Variants in DNAH2 observed in about 807,000 individuals in gnomAD.
DNAH2 encodes the protein axonemal beta dynein heavy chain 2.
In DNAH2, 323 loss-of-function variants were observed where a neutral mutation model predicts 523.5. The ratio of observed to expected loss-of-function variants is 0.62; its 90% CI spans 0.56 to 0.68. The LOEUF (loss-of-function observed/expected upper bound fraction) is 0.68. DNAH2 is among the 30% of genes least tolerant of loss of function. The pLI is 0.00. For missense variants in DNAH2, 4,907 were observed against 5,701.5 expected (o/e 0.86, Z 4.49); for synonymous variants, 2,093 against 2,177.4 (o/e 0.96, Z 1.08).
At chr17:7,795,049 A>G (rs186763339) in intron 49 of DNAH2, among the ~76,000 whole-genome samples, 2 of 151,972 alleles carry the variant, frequency 1.3e-5, no homozygotes, top group Admixed American at 6.6e-5. Context: ...TTTCCTGTCT[A>G]TGACATTTTA....
At chr17:7,749,353 G>C (rs111688572) in intron 12 of DNAH2, among the ~76,000 whole-genome samples, 12,500 of 69,146 alleles carry the variant, frequency 0.18, 642 homozygotes, top group South Asian at 0.22. Flanking sequence ...AAAAAAGAAA[G>C]AAAAAAGAAA....
Position 7,781,119 on chromosome 17 carries a change from G to T in DNAH2, c.6081G>T (p.Val2027=). 1 of 1,614,200 alleles carries T rather than the reference G, an allele frequency of 6.2e-7. No homozygotes were observed. The highest frequency in any genetic ancestry group is 8.5e-7 in the Non-Finnish European group (1 of 1,180,034). ...SVDAPLFNAI[V]QDLFPNIELP... Reference sequence around the variant, plus strand: ...ATGCACCCCTGTTCAATGCCATCGTGCAAGATCTGTTTCCCAACATTGAGC... The same window carrying T: ...ATGCACCCCTGTTCAATGCCATCGTTCAAGATCTGTTTCCCAACATTGAGC... The change falls in exon 39 of 86, where the codon GTG becomes GTT. Residue 2027 remains valine (V), a synonymous_variant. Coordinates refer to ENST00000572933, the MANE Select transcript of DNAH2 (RefSeq NM_020877.5).
Position 7,814,204 on chromosome 17 carries a change from A to C in DNAH2, c.9730-2367A>C, listed in dbSNP as rs1348291136. The stretch of plus-strand genomic sequence containing the variant: ...ATTCTCCAAAAAAAAAAAAAAAAAA[A>C]CAGATAGTAAAAATTATTTTCTAAG... On this transcript the variant is annotated intron_variant, in intron 63 of 85. Transcript: ENST00000572933. 3.5e-5 allele frequency among the ~76,000 whole-genome samples: 5 copies of C among 143,406 alleles called. No homozygotes were observed. In the South Asian group the frequency reaches 8.8e-4, roughly 25 times the overall value. The allele number at this position is 143,406 out of a possible 152,430, so 94.1% of individuals were successfully genotyped here.
Position 7,777,420 on chromosome 17 carries a change from C to T in DNAH2, c.5059-26C>T, listed in dbSNP as rs768540936. On this transcript the variant is annotated intron_variant, in intron 32 of 85. Transcript: ENST00000572933. The stretch of plus-strand genomic sequence containing the variant: ...CTTTGGCGGCATTGCTCTGTCTGCT[C>T]TCTTCCCTGCTGCTTCATGCCACAG... 3.7e-6 allele frequency: 6 copies of T among 1,613,500 alleles called. No individual in the cohort carries two copies. The African/African-American group carries it at 4.0e-5, about 11-fold the overall frequency.
chr17:7,717,854 A>G lies in DNAH2; in HGVS notation c.-960A>G, dbSNP rs1249000810. 6.6e-6 allele frequency: 1 copy of G among 151,422 alleles called. No homozygotes were observed. Among genetic ancestry groups the G allele is most frequent in the Non-Finnish European group, 1.5e-5 (1 of 67,894 alleles). 9.4% of individuals were successfully genotyped at this position (151,422 alleles called of 1,614,324 possible). A position where few individuals can be genotyped will look rare whatever the true frequency, so the allele number is the denominator to read the frequency against. ...AAGGTGTGTGTCGGGGGCAGAGGGA[A>G]GGAGGGAAGGAGTGCTGGGGAGAAG... is the stretch of plus-strand genomic sequence containing the variant. On this transcript the variant is annotated 5_prime_UTR_variant, in exon 1 of 86. Coordinates refer to ENST00000572933, the MANE Select transcript of DNAH2 (RefSeq NM_020877.5).
At position 7,731,890 on chromosome 17, in the gene DNAH2, G is replaced by A. The variant is rs535164220; in HGVS notation, c.400-1197G>A. 1.3e-4 allele frequency among the ~76,000 whole-genome samples: 20 copies of A among 152,028 alleles called. No individual in the cohort carries two copies. In the South Asian group the frequency reaches 3.3e-3, roughly 25 times the overall value. ...CTAAAAATACAAAAATTAGCCGGGC[G>A]TGGTGGCACATGCTTGTAATCCTAG... On this transcript the variant is annotated intron_variant, in intron 4 of 85. Transcript: ENST00000572933.
intron 63 of DNAH2, among the ~76,000 whole-genome samples, chr17:7,810,802 C>G (rs1186425639): frequency 6.6e-6 from 1 of 152,170 alleles, no homozygotes; most frequent in Non-Finnish European, 1.5e-5. Flanking sequence ...TAAAAGCTTT[C>G]CTGTCAGAAC....
At chr17:7,823,802 C>A (rs2077936696) in intron 74 of DNAH2, 32 bp from the exon 75 acceptor site, 13 of 1,609,800 alleles carry the variant, frequency 8.1e-6, no homozygotes, top group Non-Finnish European at 1.1e-5. Flanking sequence ...AGACTCACTC[C>A]CTCTCCCTGC....
In DNAH2 at chr17:7,719,588, T is replaced by C. The variant is rs553101535; in HGVS notation, c.-14-133T>C. On this transcript the variant is annotated intron_variant, in intron 1 of 85. Transcript: ENST00000572933. ...AGCCCTTGTGGTTAATGGAGCAGGG[T>C]GTGGGTACCACCAGAAAAGATGATC... 393 of 1,143,054 alleles carry C rather than the reference T, an allele frequency of 3.4e-4. 1 individual carries two copies. The highest frequency in any genetic ancestry group is 2.9e-3 in the Middle Eastern group (11 of 3,764). The allele number at this position is 1,143,054 out of a possible 1,614,324, so 70.8% of individuals were successfully genotyped here.
chr17:7,780,249 A>G lies in DNAH2; in HGVS notation c.5815A>G (p.Ile1939Val). Residue 1939 changes from isoleucine to valine, a missense_variant, in exon 37 of 86, where the codon ATC becomes GTC. This residue lies in a region of DNAH2 where 2,806 missense variants were observed against 3,190.8 expected (regional missense o/e 0.88). Coordinates refer to ENST00000572933, the MANE Select transcript of DNAH2 (RefSeq NM_020877.5). This position sits in a 1 kb window ranked among gnomAD's most constrained non-coding sequence, Gnocchi z 4.4. ...GCCTGACTCCACCCTCATTGCAGAA[A>G]TCATTCTCTTTGGAGAGGGCTTTGG... ...VVPDSTLIAE[I>V]ILFGEGFGNC... 6.2e-7 allele frequency: 1 copy of G among 1,614,154 alleles called. No homozygotes were observed. The highest frequency in any genetic ancestry group is 8.5e-7 in the Non-Finnish European group (1 of 1,180,026).
chr17:7,770,604 A>T lies in DNAH2; in HGVS notation c.4146A>T (p.Ile1382=), dbSNP rs9910089. Residue 1382 remains isoleucine, a synonymous_variant, in exon 26 of 86, where the codon ATA becomes ATT. Coordinates refer to ENST00000572933, the MANE Select transcript of DNAH2 (RefSeq NM_020877.5). ...CCTGGGATGTGACTCAGCTCGACATAGTACCCTACAAGGATAAGGGCCATC... is the reference window on the plus strand; with the variant it reads ...CCTGGGATGTGACTCAGCTCGACATTGTACCCTACAAGGATAAGGGCCATC... ...AKTWDVTQLD[I]VPYKDKGHHR... is the part of the protein sequence containing the mutation. The T allele has an allele frequency of 0.031, 50,446 of 1,614,008 alleles. 1,240 individuals carry two copies. Among genetic ancestry groups the T allele is most frequent in the African/African-American group, 0.1 (7,740 of 74,988 alleles).
At chr17:7,720,744 A>G (rs991715922) in intron 2 of DNAH2, among the ~76,000 whole-genome samples, 3 of 152,188 alleles carry the variant, frequency 2.0e-5, no homozygotes, top group Admixed American at 6.5e-5. Context: ...TCCCTGGGCC[A>G]TAAGAACTTG....
rs753725458 is a variant in DNAH2, at chr17:7,742,924, T to A, written c.1690-4T>A. On this transcript the variant is annotated splice_region_variant and splice_polypyrimidine_tract_variant and intron_variant, in intron 11 of 85. Transcript: ENST00000572933. ...CTCCACCCACCTGTTCTTCTTCCCC[T>A]CAGTGCCTTGCTGGTGCTCATTTCC... 4.1e-6 allele frequency: 6 copies of A among 1,459,522 alleles called. No individual in the cohort carries two copies. The African/African-American group carries it at 8.6e-5, about 21-fold the overall frequency. 90.4% of individuals were successfully genotyped at this position (1,459,522 alleles called of 1,614,324 possible).
At chr17:7,769,896 C>G (rs1290026024) in intron 24 of DNAH2, among the ~76,000 whole-genome samples, 7 of 152,134 alleles carry the variant, frequency 4.6e-5, no homozygotes, top group Non-Finnish European at 8.8e-5. Flanking sequence ...CCTCAGTTTT[C>G]TCATCTGTAA....
At chr17:7,764,782 C>CTTTTTTTTTT (rs59188289) in intron 20 of DNAH2, among the ~76,000 whole-genome samples, 19 of 49,448 alleles carry the variant, frequency 3.8e-4, no homozygotes, top group Non-Finnish European at 4.2e-4. Context: ...ACTGTATTTA[C>CTTTTTTTTTT]TTTTTTTTTT....
chr17:7,744,791 G>A (rs747472198), intron 12 of DNAH2, among the ~76,000 whole-genome samples: 4 of 152,070 alleles, frequency 2.6e-5, no homozygotes, highest in Non-Finnish European at 5.9e-5. Flanking sequence ...ATTTGCAAGC[G>A]CATAATGGGG....
Position 7,782,975 on chromosome 17 carries a change from T to C in DNAH2, c.6129+1808T>C, listed in dbSNP as rs181589735. Among the ~76,000 whole-genome samples, 303 of 152,210 alleles carry C rather than the reference T, an allele frequency of 2.0e-3. 1 individual carries two copies. The highest frequency in any genetic ancestry group is 3.0e-3 in the Non-Finnish European group (205 of 67,982). Reference sequence around the variant, plus strand: ...GCTACAGTAATCCTCGGGGTGTTGGTGAATGGAGGTCACAGGATGATGGTG... The same window carrying C: ...GCTACAGTAATCCTCGGGGTGTTGGCGAATGGAGGTCACAGGATGATGGTG... On this transcript the variant is annotated intron_variant, in intron 39 of 85. Coordinates refer to ENST00000572933, the MANE Select transcript of DNAH2 (RefSeq NM_020877.5).
At chr17:7,806,160 CT>C (rs2077361635) in intron 61 of DNAH2, among the ~76,000 whole-genome samples, 1 of 152,170 alleles carries the variant, frequency 6.6e-6, no homozygotes, top group South Asian at 2.1e-4. Flanking sequence ...ATATTCAACA[CT>C]TTGTTATAAA....
At chr17:7,766,508 G>T (rs906399112) in intron 22 of DNAH2, 27 bp downstream of exon 22, 1 of 1,610,166 alleles carries the variant, frequency 6.2e-7, no homozygotes, top group Non-Finnish European at 8.5e-7. Flanking sequence ...GGACCCTGTG[G>T]TCACTGTCGA....
Sources: allele counts gnomAD v4.1 joint callset (sites outside exome capture counted in the v4.1 genomes callset), GRCh38; gene constraint gnomAD v4.1.1; regional missense constraint gnomAD v4.1.1; non-coding constraint Gnocchi (gnomAD v3.1); transcripts MANE v1.5; gene names NCBI Gene and HGNC (gene_info 2026-07-23, HGNC 2026-07-21).